EDA: variants seen among roughly 807,000 people sequenced by gnomAD.
The protein encoded by EDA is ectodysplasin-A.
In EDA, 2 loss-of-function variants were observed where a neutral mutation model predicts 23.6. That is an observed-to-expected ratio of 0.08 (90% CI 0.03 to 0.27). The LOEUF (loss-of-function observed/expected upper bound fraction) is 0.27, where lower values mean the gene tolerates loss of function less well. Among genes scored for constraint, EDA ranks in the 10% least tolerant of loss-of-function variants. The pLI is 1.00. For synonymous variants in EDA, 131 were observed against 132.0 expected (o/e 0.99, Z 0.05); for missense variants, 229 against 324.2 (o/e 0.71, Z 2.26).
intron 1 of EDA, among the ~76,000 whole-genome samples, chrX:69,953,860 A>G (rs937222387): frequency 1.6e-4 from 18 of 112,006 alleles, no homozygotes; most frequent in African/African-American, 5.2e-4. Flanking sequence ...GATAGAAATC[A>G]GAACAGTAGT....
intron 1 of EDA, among the ~76,000 whole-genome samples, chrX:69,697,758 T>A (rs142783225): frequency 5.7e-4 from 64 of 111,779 alleles, no homozygotes; most frequent in African/African-American, 2.1e-3. Context: ...CTCCAGAAGG[T>A]TTGTTGGGTC....
chrX:69,845,917 G>A (rs1316207475), intron 1 of EDA, among the ~76,000 whole-genome samples: 1 of 111,984 alleles, frequency 8.9e-6, no homozygotes, highest in Non-Finnish European at 1.9e-5. Flanking sequence ...TCCAGCCCCA[G>A]TTAAGTCTTC....
At chrX:69,997,362 G>A (rs2019672826) in intron 2 of EDA, among the ~76,000 whole-genome samples, 1 of 111,823 alleles carries the variant, frequency 8.9e-6, no homozygotes. Context: ...GAGATTTATA[G>A]AACTTTGAAC....
intron 1 of EDA, among the ~76,000 whole-genome samples, chrX:69,909,451 C>T (rs1255584403): frequency 1.8e-5 from 2 of 111,683 alleles, no homozygotes; most frequent in Non-Finnish European, 3.8e-5. Flanking sequence ...CAGGTGTGTA[C>T]CACCACGCCC....
intron 1 of EDA, among the ~76,000 whole-genome samples, chrX:69,874,105 G>A (rs2017607025): frequency 9.0e-6 from 1 of 111,625 alleles, no homozygotes; most frequent in East Asian, 2.8e-4. Context: ...GAGGTCGGAA[G>A]TTCAAGACCA....
At chrX:69,624,689 C>G (rs143868197) in intron 1 of EDA, among the ~76,000 whole-genome samples, 1,537 of 109,740 alleles carry the variant, frequency 0.014, 19 homozygotes, top group African/African-American at 0.046. Context: ...AAGTTGAAAC[C>G]CAAAGCTTGG....
chrX:69,634,498 T>A (rs1340896456), intron 1 of EDA, among the ~76,000 whole-genome samples: 2 of 110,161 alleles, frequency 1.8e-5, no homozygotes, highest in Non-Finnish European at 3.8e-5. Flanking sequence ...TTATTTTTTT[T>A]AATAGAGATG....
At chrX:69,628,393 A>C (rs1334574686) in intron 1 of EDA, among the ~76,000 whole-genome samples, 1 of 111,904 alleles carries the variant, frequency 8.9e-6, no homozygotes, top group East Asian at 2.8e-4. Flanking sequence ...AGTAGCTTTC[A>C]GGAGTTCTTT....
In EDA at chrX:69,978,318, T is replaced by TAAAAAAAA. The variant is rs144187734; in HGVS notation, c.502+21214_502+21221dup. Among the ~76,000 whole-genome samples, 11 of 20,419 alleles carry TAAAAAAAA rather than the reference T, an allele frequency of 5.4e-4. 3 individuals are homozygous for TAAAAAAAA. The highest frequency in any genetic ancestry group is 1.4e-3 in the African/African-American group (11 of 7,983). 17.7% of individuals were successfully genotyped at this position (20,419 alleles called of 115,157 possible). Reference sequence around the variant, plus strand: ...GGCCAATGTAGTGAAACTCCATCTCTAAAAAAAAAAAAAAAAAAAAAAAAA... The same window carrying TAAAAAAAA: ...GGCCAATGTAGTGAAACTCCATCTCTAAAAAAAAAAAAAAAAAAAAAAAAAAAAAAAAA... On this transcript the variant is annotated intron_variant, in intron 2 of 7. Transcript: ENST00000374552.
intron 1 of EDA, among the ~76,000 whole-genome samples, chrX:69,698,088 A>G (rs767177091): frequency 1.8e-3 from 206 of 111,812 alleles, no homozygotes; most frequent in Non-Finnish European, 2.5e-3. Context: ...CCCAGGAACC[A>G]TCCTCAGCCC....
intron 1 of EDA, among the ~76,000 whole-genome samples, chrX:69,750,816 G>A (rs768278369): frequency 8.9e-6 from 1 of 112,165 alleles, no homozygotes; most frequent in African/African-American, 3.2e-5. Context: ...CTGCATAAAT[G>A]TCTTCTTTTG....
intron 1 of EDA, among the ~76,000 whole-genome samples, chrX:69,868,688 A>T (rs1465715063): frequency 2.7e-5 from 3 of 112,328 alleles, no homozygotes; most frequent in Non-Finnish European, 5.6e-5. Flanking sequence ...CAGAGAGGTA[A>T]TATACTCCTG....
intron 1 of EDA, among the ~76,000 whole-genome samples, chrX:69,763,544 A>T (rs2014375889): frequency 8.9e-6 from 1 of 112,259 alleles, no homozygotes; most frequent in African/African-American, 3.2e-5. Flanking sequence ...CAATGCTGCA[A>T]CTGCCGCCTT....
intron 1 of EDA, among the ~76,000 whole-genome samples, chrX:69,863,709 G>A: frequency 9.4e-6 from 1 of 106,558 alleles, no homozygotes; most frequent in Non-Finnish European, 1.9e-5. Flanking sequence ...GTATGTGTGG[G>A]CATATATGTA....
chrX:70,007,368 G>A (rs1395566943), intron 2 of EDA, among the ~76,000 whole-genome samples: 1 of 111,435 alleles, frequency 9.0e-6, no homozygotes, highest in Non-Finnish European at 1.9e-5. Context: ...GGGGCCTGGT[G>A]GGAAGTAATT....
chrX:69,736,286 CAA>C (rs1320523605), intron 1 of EDA, among the ~76,000 whole-genome samples: 3 of 111,043 alleles, frequency 2.7e-5, no homozygotes, highest in Non-Finnish European at 5.7e-5. Context: ...GCCTGGGCAA[CAA>C]GAGCGAAACT....
At chrX:69,673,302 T>A (rs937095200) in intron 1 of EDA, among the ~76,000 whole-genome samples, 1 of 110,780 alleles carries the variant, frequency 9.0e-6, no homozygotes, top group Non-Finnish European at 1.9e-5. Context: ...GAAAGAATAG[T>A]GATAGTAGGA....
intron 1 of EDA, among the ~76,000 whole-genome samples, chrX:69,949,958 T>TA (rs1280875260): frequency 2.4e-4 from 26 of 107,301 alleles, no homozygotes; most frequent in African/African-American, 8.2e-4. Context: ...ATTAAAGACT[T>TA]AAACATTAGA....
At chrX:69,791,638 C>A (rs1372542961) in intron 1 of EDA, among the ~76,000 whole-genome samples, 1 of 111,711 alleles carries the variant, frequency 9.0e-6, no homozygotes, top group African/African-American at 3.2e-5. Flanking sequence ...TTCTGTGCAA[C>A]AATTGTATTT....
Sources: gnomAD v4.1 joint callset for allele counts (sites outside exome capture counted in the v4.1 genomes callset) on GRCh38, gnomAD v4.1.1 for gene constraint, MANE v1.5 for transcripts, NCBI Gene and HGNC (gene_info 2026-07-23, HGNC 2026-07-21) for gene names.